Variants in LAMC3 observed in about 807,000 individuals in gnomAD.
LAMC3 encodes laminin subunit gamma-3.
A neutral mutation model predicts 173.8 loss-of-function variants in LAMC3; 128 were observed. The ratio of observed to expected loss-of-function variants is 0.74; its 90% CI spans 0.64 to 0.85. The LOEUF is 0.85. LAMC3 is among the 40% of genes least tolerant of loss of function. The pLI, the probability that LAMC3 is intolerant of heterozygous loss-of-function variation, is 0.00. For synonymous variants in LAMC3, 897 were observed against 909.1 expected, an observed-to-expected ratio of 0.99 and a Z score of 0.24; for missense variants, 2,022 against 2,156.0, an observed-to-expected ratio of 0.94 and a Z score of 1.23.
At chr9:131,020,277 C>G (rs1473877651) in intron 1 of LAMC3, among the ~76,000 whole-genome samples, 2 of 152,178 alleles carry the variant, frequency 1.3e-5, no homozygotes, top group Non-Finnish European at 2.9e-5. Flanking sequence ...TGGCCACCCA[C>G]TGTTCTTGTT....
intron 11 of LAMC3, among the ~76,000 whole-genome samples, chr9:131,054,090 G>A (rs947848856): frequency 3.9e-5 from 6 of 152,138 alleles, no homozygotes; most frequent in Admixed American, 6.5e-5. Flanking sequence ...GTTTACAAAG[G>A]GGTTTTTCTA....
intron 13 of LAMC3, among the ~76,000 whole-genome samples, chr9:131,065,581 AGATAAT>A (rs1486341677): frequency 1.3e-5 from 2 of 152,194 alleles, no homozygotes; most frequent in Admixed American, 6.5e-5. Context: ...AAGAAAATGA[AGATAAT>A]GATCAAAATG....
At chr9:131,024,348 G>A (rs1009082736) in intron 1 of LAMC3, among the ~76,000 whole-genome samples, 1 of 152,066 alleles carries the variant, frequency 6.6e-6, no homozygotes, top group Non-Finnish European at 1.5e-5. Flanking sequence ...GATTCACCAT[G>A]TTGGTCAGGC....
intron 12 of LAMC3, 101 bp from the exon 13 acceptor site, chr9:131,060,934 C>A: frequency 1.6e-6 from 2 of 1,237,322 alleles, no homozygotes; most frequent in Non-Finnish European, 2.3e-6. Context: ...AGGTCCCCAC[C>A]CCACTTCTGC....
intron 24 of LAMC3, 30 bp from the exon 25 acceptor site, chr9:131,085,494 C>A (rs774583985): frequency 1.7e-5 from 28 of 1,612,526 alleles, no homozygotes; most frequent in Non-Finnish European, 2.4e-5. Context: ...GAGCCCAGTT[C>A]CCCTGACCCA....
rs2133227198 is a variant in LAMC3 at position 131,026,780 on chromosome 9, G to A, written c.678+191G>A. 6.6e-6 allele frequency among the ~76,000 whole-genome samples: 1 copy of A among 152,282 alleles called. No homozygotes were observed. The highest frequency in any genetic ancestry group is 2.4e-5 in the African/African-American group (1 of 41,560). On this transcript the variant is annotated intron_variant, in intron 2 of 27. Transcript: ENST00000361069. This position sits in a 1 kb window ranked among gnomAD's most constrained non-coding sequence, Gnocchi z 4.8. ...GCTGGAGTGCAGTGACGCGATTTCG[G>A]TTCACTGAAACCTCCGCCTCCTTGG...
At chr9:131,016,811 G>A (rs1349242481) in intron 1 of LAMC3, among the ~76,000 whole-genome samples, 1 of 152,190 alleles carries the variant, frequency 6.6e-6, no homozygotes, top group African/African-American at 2.4e-5. Context: ...CATCAAACTG[G>A]TAAGCGTGTT....
chr9:131,022,243 C>CACACACACACACAT (rs1554782478), intron 1 of LAMC3, among the ~76,000 whole-genome samples: 1 of 151,504 alleles, frequency 6.6e-6, no homozygotes, highest in African/African-American at 2.4e-5. Context: ...CACACACACA[C>CACACACACACACAT]ATATATATGT....
intron 23 of LAMC3, chr9:131,080,235 C>T (rs546835585): frequency 6.4e-4 from 95 of 149,232 alleles, no homozygotes; most frequent in African/African-American, 2.3e-3. Flanking sequence ...CTCGGCCTCT[C>T]AACATGCTAG....
At chr9:131,025,660 C>G (rs1588139687) in intron 1 of LAMC3, among the ~76,000 whole-genome samples, 1 of 152,086 alleles carries the variant, frequency 6.6e-6, no homozygotes, top group African/African-American at 2.4e-5. Flanking sequence ...CCACCAGGGG[C>G]TGTGGGTGAG....
At chr9:131,032,507 GCT>G (rs1460843766) in intron 3 of LAMC3, among the ~76,000 whole-genome samples, 3,086 of 82,438 alleles carry the variant, frequency 0.037, 109 homozygotes, top group African/African-American at 0.098. Context: ...TCTCTCACTC[GCT>G]CTCTCTCTCT....
rs1018017395 is a variant in LAMC3 at position 131,029,124 on chromosome 9, G to A, written c.678+2535G>A. 3.3e-5 allele frequency among the ~76,000 whole-genome samples: 5 copies of A among 152,212 alleles called. No individual in the cohort carries two copies. Among genetic ancestry groups the A allele is most frequent in the Non-Finnish European group, 7.3e-5 (5 of 68,032 alleles). On this transcript the variant is annotated intron_variant, in intron 2 of 27. Coordinates refer to ENST00000361069, the MANE Select transcript of LAMC3 (RefSeq NM_006059.4). The surrounding 1 kb of genome is among the most constrained non-coding windows in gnomAD (Gnocchi z 4.6). Reference sequence around the variant, plus strand: ...GCATAGACTACCTAGTGTGGCCCAAGGGAAGACCCTCTTATCAGGAGGGAC... The same window carrying A: ...GCATAGACTACCTAGTGTGGCCCAAAGGAAGACCCTCTTATCAGGAGGGAC...
chr9:131,089,809 A>G (rs1830392993), intron 27 of LAMC3, among the ~76,000 whole-genome samples: 1 of 152,222 alleles, frequency 6.6e-6, no homozygotes, highest in Non-Finnish European at 1.5e-5. Flanking sequence ...GCCATGCTCT[A>G]CACGTTGTCT....
intron 1 of LAMC3, among the ~76,000 whole-genome samples, chr9:131,015,516 C>T (rs1258086363): frequency 3.3e-5 from 5 of 152,192 alleles, no homozygotes; most frequent in Non-Finnish European, 5.9e-5. Context: ...CTGCACCCCT[C>T]GCCCTGACTC....
chr9:131,080,220 C>T (rs1245296640), intron 23 of LAMC3: 1 of 150,910 alleles, frequency 6.6e-6, no homozygotes, highest in Admixed American at 6.6e-5. Context: ...AAGTGATCCA[C>T]CTGCCTCGGC....
chr9:131,061,251 C>T, intron 13 of LAMC3, 28 bp downstream of exon 13: 2 of 1,579,084 alleles, frequency 1.3e-6, no homozygotes, highest in South Asian at 1.1e-5. Flanking sequence ...CGGAGCCCTG[C>T]CCCGCAGAGG....
At position 131,093,509 on chromosome 9, in the gene LAMC3, G is replaced by A. The variant is rs1393864102; in HGVS notation, c.*1722G>A. 1 of 152,388 alleles carries A rather than the reference G, an allele frequency of 6.6e-6. No homozygotes were observed. The highest frequency in any genetic ancestry group is 2.4e-5 in the African/African-American group (1 of 41,460). 9.4% of individuals were successfully genotyped at this position (152,388 alleles called of 1,614,324 possible). On this transcript the variant is annotated 3_prime_UTR_variant, in exon 28 of 28. Coordinates refer to ENST00000361069, the MANE Select transcript of LAMC3 (RefSeq NM_006059.4). ...ACAACAGTCCGGGGCCCGCAGGGTT[G>A]GGGCTCGGCCAGCTTGCATCACTCC...
At chr9:131,065,109 C>T (rs186720947) in intron 13 of LAMC3, among the ~76,000 whole-genome samples, 49 of 151,804 alleles carry the variant, frequency 3.2e-4, no homozygotes, top group African/African-American at 1.1e-3. Flanking sequence ...TTGTCACCTC[C>T]AGGGGACCAT....
At chr9:131,023,733 A>G (rs1393291169) in intron 1 of LAMC3, among the ~76,000 whole-genome samples, 1 of 152,060 alleles carries the variant, frequency 6.6e-6, no homozygotes, top group Non-Finnish European at 1.5e-5. Flanking sequence ...TCAGCCTCCC[A>G]AGCAGCTTGG....
Sources: gnomAD v4.1 joint callset for allele counts (sites outside exome capture counted in the v4.1 genomes callset) on GRCh38, gnomAD v4.1.1 for gene constraint, Gnocchi (gnomAD v3.1) non-coding constraint, MANE v1.5 for transcripts, NCBI Gene and HGNC (gene_info 2026-07-23, HGNC 2026-07-21) for gene names.